Variants in CNKSR2 observed in about 807,000 individuals in gnomAD.
CNKSR2 encodes the protein CNK homolog protein 2.
Under a neutral mutation model 84.4 loss-of-function variants are expected in CNKSR2, and 14 were observed. The observed-to-expected ratio is 0.17, with a 90% CI of 0.11 to 0.26. CNKSR2 has a LOEUF of 0.26. Ranked by LOEUF, CNKSR2 falls within the 10% of genes least tolerant of loss-of-function variation. The probability of loss-of-function intolerance (pLI) is 1.00; values close to 1 mark genes in which losing one functional copy is unlikely to be tolerated. For synonymous variants in CNKSR2, 275 were observed against 277.9 expected, an observed-to-expected ratio of 0.99 and a Z score of 0.10; for missense variants, 485 against 771.2, an observed-to-expected ratio of 0.63 and a Z score of 4.40.
intron 20 of CNKSR2, among the ~76,000 whole-genome samples, chrX:21,616,886 G>A (rs1461202542): frequency 8.9e-6 from 1 of 111,819 alleles, no homozygotes. Flanking sequence ...TGTTGAAACT[G>A]CAACTTGTAC....
At chrX:21,389,500 A>T (rs1388809156) in intron 1 of CNKSR2, among the ~76,000 whole-genome samples, 23 of 111,986 alleles carry the variant, frequency 2.1e-4, no homozygotes, top group Non-Finnish European at 4.0e-4. Context: ...GTATTTTTCA[A>T]ATTTGGTAAT....
chrX:21,509,894 G>A (rs977863259), intron 8 of CNKSR2, among the ~76,000 whole-genome samples: 1 of 111,489 alleles, frequency 9.0e-6, no homozygotes, highest in African/African-American at 3.3e-5. Context: ...AAAGAAAGAG[G>A]TAGTCATTGG....
chrX:21,552,656 T>C (rs1176948399), intron 11 of CNKSR2, among the ~76,000 whole-genome samples: 1 of 111,995 alleles, frequency 8.9e-6, no homozygotes, highest in South Asian at 3.7e-4. Context: ...TTCATTCTTA[T>C]CTTGTAGAAA....
intron 5 of CNKSR2, among the ~76,000 whole-genome samples, chrX:21,473,872 G>A (rs774532267): frequency 2.3e-4 from 24 of 102,708 alleles, no homozygotes; most frequent in Admixed American, 8.6e-4. Flanking sequence ...TCAGCCTCCC[G>A]AGTAGCTGGG....
intron 1 of CNKSR2, among the ~76,000 whole-genome samples, chrX:21,413,996 C>T (rs930345198): frequency 5.4e-5 from 6 of 110,854 alleles, no homozygotes; most frequent in South Asian, 3.8e-4. Context: ...TATGGAACCA[C>T]GAAAGACCCA....
At chrX:21,417,804 T>C in intron 1 of CNKSR2, among the ~76,000 whole-genome samples, 1 of 111,472 alleles carries the variant, frequency 9.0e-6, no homozygotes, top group Non-Finnish European at 1.9e-5. Flanking sequence ...TAGGTGAAGT[T>C]TCTTATAGGC....
At chrX:21,390,411 G>A in intron 1 of CNKSR2, among the ~76,000 whole-genome samples, 1 of 111,052 alleles carries the variant, frequency 9.0e-6, no homozygotes, top group Non-Finnish European at 1.9e-5. Flanking sequence ...CATGGCTGGG[G>A]AAACCTCAGA....
intron 13 of CNKSR2, among the ~76,000 whole-genome samples, chrX:21,580,055 C>T (rs1206025610): frequency 1.8e-5 from 2 of 111,894 alleles, no homozygotes; most frequent in Admixed American, 1.9e-4. Context: ...CTGCTGCAAG[C>T]GCAGAAGTTA....
In CNKSR2 at chrX:21,419,623, G is replaced by A. The variant is rs149908043; in HGVS notation, c.65-6874G>A. On this transcript the variant is annotated intron_variant, in intron 1 of 21. Transcript: ENST00000379510. ...CTGCCTCAGGGAGCACCCCAAGCCCGGTGATGCTGTGCTTCTTACAGACTC... is the reference window on the plus strand; with the variant it reads ...CTGCCTCAGGGAGCACCCCAAGCCCAGTGATGCTGTGCTTCTTACAGACTC... Among the ~76,000 whole-genome samples, 802 of 111,837 alleles carry A rather than the reference G, an allele frequency of 7.2e-3. 2 individuals are homozygous for A. The highest frequency in any genetic ancestry group is 0.012 in the Non-Finnish European group (654 of 53,136).
At chrX:21,554,252 T>G (rs1456013684) in intron 11 of CNKSR2, among the ~76,000 whole-genome samples, 1 of 112,088 alleles carries the variant, frequency 8.9e-6, no homozygotes, top group Non-Finnish European at 1.9e-5. Context: ...AATTCTTTCA[T>G]GTTATTCCCC....
At chrX:21,519,208 C>T (rs2091758029) in intron 9 of CNKSR2, among the ~76,000 whole-genome samples, 1 of 110,977 alleles carries the variant, frequency 9.0e-6, no homozygotes, top group Non-Finnish European at 1.9e-5. Flanking sequence ...AAAGTTCTGG[C>T]TTATGCTAAA....
At chrX:21,531,761 T>C in intron 10 of CNKSR2, 95 bp from the exon 11 acceptor site, 1 of 514,703 alleles carries the variant, frequency 1.9e-6, no homozygotes, top group Non-Finnish European at 3.3e-6. Context: ...AGGAGATATA[T>C]TGTATGGGAG....
At position 21,654,538 on chromosome X, in the gene CNKSR2, A is replaced by C. The variant is rs2092728601; in HGVS notation, c.*2017A>C. The C allele has an allele frequency of 9.0e-6, 1 of 110,779 alleles. No homozygotes were observed. The highest frequency in any genetic ancestry group is 3.8e-4 in the South Asian group (1 of 2,650). The allele number at this position is 110,779 out of a possible 1,213,427, so 9.1% of individuals were successfully genotyped here. A position where few individuals can be genotyped will look rare whatever the true frequency, so the allele number is the denominator to read the frequency against. The stretch of plus-strand genomic sequence containing the variant: ...CTGTTGTTTTAAATGGTAAAAATTA[A>C]ACTAATGAATTTGACAAGACTCGTG... On this transcript the variant is annotated 3_prime_UTR_variant, in exon 22 of 22. Coordinates refer to ENST00000379510, the MANE Select transcript of CNKSR2 (RefSeq NM_014927.5).
chrX:21,529,290 T>G (rs1285717287), intron 10 of CNKSR2, among the ~76,000 whole-genome samples: 2 of 111,327 alleles, frequency 1.8e-5, no homozygotes, highest in Non-Finnish European at 3.8e-5. Context: ...AAAACACTCA[T>G]GTATGTGAAG....
chrX:21,455,776 C>T (rs1363222931), intron 4 of CNKSR2, among the ~76,000 whole-genome samples: 1 of 112,129 alleles, frequency 8.9e-6, no homozygotes, highest in Non-Finnish European at 1.9e-5. Flanking sequence ...AGCCTCATTT[C>T]ACTTCTTCTT....
chrX:21,508,782 A>T (rs1312883477), intron 8 of CNKSR2, among the ~76,000 whole-genome samples: 3 of 112,290 alleles, frequency 2.7e-5, no homozygotes, highest in African/African-American at 9.7e-5. Context: ...TATAAGTGAT[A>T]GGTTACAGGA....
chrX:21,561,792 T>A (rs2092192423), intron 12 of CNKSR2, among the ~76,000 whole-genome samples: 1 of 111,116 alleles, frequency 9.0e-6, no homozygotes, highest in Non-Finnish European at 1.9e-5. Context: ...GTGTTAAAAG[T>A]AAATATCTGA....
At chrX:21,631,921 A>G (rs2092649805) in intron 20 of CNKSR2, among the ~76,000 whole-genome samples, 1 of 112,181 alleles carries the variant, frequency 8.9e-6, no homozygotes, top group Non-Finnish European at 1.9e-5. Flanking sequence ...ATTGAAGAGT[A>G]AAAGTTTTTC....
intron 20 of CNKSR2, among the ~76,000 whole-genome samples, chrX:21,614,048 C>T (rs1005025977): frequency 1.1e-4 from 12 of 110,839 alleles, no homozygotes; most frequent in Non-Finnish European, 2.3e-4. Flanking sequence ...ATTCTTTGTA[C>T]ACTATTAATA....
Sources: allele counts gnomAD v4.1 joint callset (sites outside exome capture counted in the v4.1 genomes callset), GRCh38; gene constraint gnomAD v4.1.1; transcripts MANE v1.5; gene names NCBI Gene and HGNC (gene_info 2026-07-23, HGNC 2026-07-21).